Variants in TEC observed in about 807,000 individuals in gnomAD.
TEC encodes tec protein tyrosine kinase, also known as tyrosine-protein kinase Tec.
A neutral mutation model predicts 93.0 loss-of-function variants in TEC; 72 were observed. The observed-to-expected ratio is 0.77, with a 90% CI of 0.64 to 0.94. The LOEUF (loss-of-function observed/expected upper bound fraction) is 0.94. TEC is among the 40% of genes least tolerant of loss of function. TEC has a pLI of 0.00. For synonymous variants in TEC, 249 were observed against 247.7 expected (o/e 1.01, Z -0.05); for missense variants, 630 against 757.9 (o/e 0.83, Z 1.98).
intron 2 of TEC, among the ~76,000 whole-genome samples, chr4:48,224,080 A>G (rs1723356877): frequency 6.6e-6 from 1 of 152,060 alleles, no homozygotes; most frequent in Admixed American, 6.6e-5. Flanking sequence ...TCTAGTTGTG[A>G]GTATGACTCA....
intron 2 of TEC, among the ~76,000 whole-genome samples, chr4:48,207,443 G>A (rs188761252): frequency 6.6e-6 from 1 of 152,084 alleles, no homozygotes; most frequent in East Asian, 1.9e-4. Flanking sequence ...TCTTCAAGAC[G>A]TCCTCAAGGA....
intron 1 of TEC, among the ~76,000 whole-genome samples, chr4:48,234,472 G>A (rs1021227954): frequency 1.3e-5 from 2 of 152,162 alleles, no homozygotes; most frequent in South Asian, 2.1e-4. Context: ...CAACCAGTCC[G>A]GATTGGATCA....
intron 2 of TEC, among the ~76,000 whole-genome samples, chr4:48,176,702 G>C (rs1721345025): frequency 6.6e-6 from 1 of 152,120 alleles, no homozygotes; most frequent in Admixed American, 6.6e-5. Context: ...AGGCCTGGGT[G>C]ACACAGTAAG....
chr4:48,265,478 C>A (rs1390800054), intron 1 of TEC, among the ~76,000 whole-genome samples: 1 of 136,536 alleles, frequency 7.3e-6, no homozygotes, highest in Non-Finnish European at 1.5e-5. Flanking sequence ...CACATATATA[C>A]GTGTGTGTAT....
Position 48,145,506 on chromosome 4 carries a change from C to A in TEC, c.1155G>T (p.Arg385Ser). 6.2e-7 allele frequency: 1 copy of A among 1,614,134 alleles called. No homozygotes were observed. Among genetic ancestry groups the A allele is most frequent in the Non-Finnish European group, 8.5e-7 (1 of 1,180,010 alleles). Residue 385 changes from arginine to serine, a missense_variant, in exon 13 of 18, where the codon AGG becomes AGT. Physicochemically the swap from Arg to Ser is moderately radical, Grantham distance 110 (BLOSUM62 -1). This residue lies in a region of TEC where 289 missense variants were observed against 390.0 expected (regional missense o/e 0.74). Transcript: ENST00000381501. Reference protein sequence around the residue: ...ELGSGLFGVVRLGKWRAQYKV... With the variant: ...ELGSGLFGVVSLGKWRAQYKV... ...TGTACTGGGCTCGCCATTTGCCAAG[C>A]CTCACCACTCCAAACAGTCCACTTC...
chr4:48,164,154 T>C (rs1335709381), intron 7 of TEC, among the ~76,000 whole-genome samples: 1 of 152,216 alleles, frequency 6.6e-6, no homozygotes, highest in East Asian at 1.9e-4. Context: ...GAATTCACAG[T>C]TTTGCTGATA....
chr4:48,186,901 T>A (rs1721894859), intron 2 of TEC, among the ~76,000 whole-genome samples: 1 of 152,242 alleles, frequency 6.6e-6, no homozygotes, highest in Non-Finnish European at 1.5e-5. Flanking sequence ...GAGGAGCCCC[T>A]CTGCGTGGCC....
At chr4:48,227,654 A>AC (rs1723514438) in intron 2 of TEC, among the ~76,000 whole-genome samples, 1 of 151,762 alleles carries the variant, frequency 6.6e-6, no homozygotes, top group Admixed American at 6.6e-5. Flanking sequence ...AAAAAAAAAA[A>AC]AAAAAAACTA....
chr4:48,151,349 A>G (rs769162566), intron 9 of TEC, among the ~76,000 whole-genome samples: 9 of 152,162 alleles, frequency 5.9e-5, no homozygotes, highest in Non-Finnish European at 1.0e-4. Context: ...CATTTTTTGT[A>G]TTTGTTATAA....
intron 3 of TEC, 143 bp downstream of exon 3, chr4:48,175,939 A>G: frequency 3.2e-6 from 2 of 621,218 alleles, no homozygotes; most frequent in Non-Finnish European, 5.6e-6. Flanking sequence ...AGACTTAAAC[A>G]GTTCATGAAG....
intron 3 of TEC, among the ~76,000 whole-genome samples, chr4:48,173,295 C>T (rs1721189037): frequency 6.6e-6 from 1 of 152,116 alleles, no homozygotes; most frequent in Non-Finnish European, 1.5e-5. Flanking sequence ...TAGCTAACCG[C>T]CTCCCCCCAC....
chr4:48,185,665 G>A (rs1391642428), intron 2 of TEC, among the ~76,000 whole-genome samples: 1 of 152,102 alleles, frequency 6.6e-6, no homozygotes, highest in African/African-American at 2.4e-5. Context: ...ATATATATAA[G>A]CATGGCATAA....
At chr4:48,246,539 CA>C (rs1266664092) in intron 1 of TEC, among the ~76,000 whole-genome samples, 1 of 150,218 alleles carries the variant, frequency 6.7e-6, no homozygotes, top group East Asian at 1.9e-4. Flanking sequence ...GCATAGCAAT[CA>C]AAACTGTGTA....
intron 2 of TEC, among the ~76,000 whole-genome samples, chr4:48,211,993 G>T (rs1224601788): frequency 6.6e-6 from 1 of 151,336 alleles, no homozygotes; most frequent in East Asian, 1.9e-4. Flanking sequence ...CATCTACTCA[G>T]GAGGTTGAGT....
In TEC at chr4:48,258,647, G is replaced by A. The variant is rs1259938352; in HGVS notation, c.-46+11105C>T. 2.0e-5 allele frequency among the ~76,000 whole-genome samples: 3 copies of A among 152,112 alleles called. No homozygotes were observed. In the East Asian group the frequency reaches 5.8e-4, roughly 29 times the overall value. ...CAGCTATGCCTAACCTTTGTTCATC[G>A]TGTAGCCCTCTCCTGAGTCCTGATT... On this transcript the variant is annotated intron_variant, in intron 1 of 17. Coordinates refer to ENST00000381501, the MANE Select transcript of TEC (RefSeq NM_003215.3).
chr4:48,190,049 T>A (rs1722037347), intron 2 of TEC, among the ~76,000 whole-genome samples: 3 of 152,184 alleles, frequency 2.0e-5, no homozygotes, highest in Non-Finnish European at 4.4e-5. Context: ...GGGTGCTAAC[T>A]ACCACCACAA....
chr4:48,172,511 T>A (rs1476426956), intron 3 of TEC, among the ~76,000 whole-genome samples: 2 of 151,860 alleles, frequency 1.3e-5, no homozygotes, highest in Non-Finnish European at 2.9e-5. Context: ...TACAGCTCAC[T>A]ACAACCTGGA....
At position 48,136,853 on chromosome 4, in the gene TEC, C is replaced by G. The variant is rs960981691; in HGVS notation, c.*563G>C. On this transcript the variant is annotated 3_prime_UTR_variant, in exon 18 of 18. Coordinates refer to ENST00000381501, the MANE Select transcript of TEC (RefSeq NM_003215.3). ...ATATTATATATATTTACAATATATA[C>G]AGCATACAAATATTGTTCATGTAAT... is the stretch of plus-strand genomic sequence containing the variant. 6.6e-6 allele frequency: 1 copy of G among 151,844 alleles called. No individual in the cohort carries two copies. The highest frequency in any genetic ancestry group is 2.4e-5 in the African/African-American group (1 of 41,366). The allele number at this position is 151,844 out of a possible 1,614,324, so 9.4% of individuals were successfully genotyped here.
intron 1 of TEC, among the ~76,000 whole-genome samples, chr4:48,232,153 G>A (rs745866085): frequency 3.9e-5 from 6 of 152,038 alleles, no homozygotes; most frequent in Non-Finnish European, 8.8e-5. Context: ...GCTGGGTGAG[G>A]TGGCGGGTGC....
Sources: allele counts gnomAD v4.1 joint callset (sites outside exome capture counted in the v4.1 genomes callset), GRCh38; gene constraint gnomAD v4.1.1; regional missense constraint gnomAD v4.1.1; transcripts MANE v1.5; gene names NCBI Gene and HGNC (gene_info 2026-07-23, HGNC 2026-07-21).